Variants in TREML4 observed in about 807,000 individuals in gnomAD.
The protein encoded by TREML4 is triggering receptor expressed on myeloid cells like 4.
In TREML4, 25 loss-of-function variants were observed where a neutral mutation model predicts 25.4. The observed-to-expected ratio is 0.98, with a 90% confidence interval of 0.72 to 1.37. The LOEUF (loss-of-function observed/expected upper bound fraction) is 1.37, where lower values mean the gene tolerates loss of function less well. Among genes scored for constraint, TREML4 ranks in the 40% most tolerant of loss-of-function variants. The pLI is 0.00. For synonymous variants in TREML4, 92 were observed against 87.9 expected (o/e 1.05, Z -0.26); for missense variants, 268 against 236.5 (o/e 1.13, Z -0.87).
chr6:41,228,759 C>T lies in TREML4; in HGVS notation c.109C>T (p.Leu37Phe), dbSNP rs1490531561. 9.9e-6 allele frequency: 16 copies of T among 1,614,094 alleles called. No individual in the cohort carries two copies. Among genetic ancestry groups the T allele is most frequent in the Non-Finnish European group, 1.4e-5 (16 of 1,180,002 alleles). The change falls in exon 2 of 6, where the codon CTC becomes TTC. Residue 37 changes from leucine (L) to phenylalanine (F), a missense_variant. Physicochemically the swap from Leu to Phe is conservative, Grantham distance 22. Transcript: ENST00000341495. ...TCACAAACACCCAGGACAGACCCTCCTCCTGCAATGCCAGTACTCACCCAA... is the reference window on the plus strand; with the variant it reads ...TCACAAACACCCAGGACAGACCCTCTTCCTGCAATGCCAGTACTCACCCAA... ...ELHKHPGQTLLLQCQYSPKRG... is the reference protein window; with the variant it reads ...ELHKHPGQTLFLQCQYSPKRG...
At chr6:41,231,810 G>A (rs1195271426) in intron 4 of TREML4, among the ~76,000 whole-genome samples, 2 of 152,114 alleles carry the variant, frequency 1.3e-5, no homozygotes, top group Non-Finnish European at 1.5e-5. Flanking sequence ...TAATGTATGA[G>A]TATCAAGAAC....
chr6:41,228,531 G>A (rs1766722315), intron 1 of TREML4, 41 bp downstream of exon 1: 8 of 1,593,490 alleles, frequency 5.0e-6, no homozygotes, highest in Non-Finnish European at 6.8e-6. Context: ...TAAGGAGTGG[G>A]ATGAAGAATG....
intron 4 of TREML4, among the ~76,000 whole-genome samples, chr6:41,236,035 A>C (rs1441376900): frequency 6.6e-6 from 1 of 152,072 alleles, no homozygotes; most frequent in Non-Finnish European, 1.5e-5. Flanking sequence ...AACAGACAGG[A>C]GGTCTAGGTC....
At chr6:41,236,803 G>T (rs1484575474) in intron 5 of TREML4, among the ~76,000 whole-genome samples, 186 bp downstream of exon 5, 1 of 150,294 alleles carries the variant, frequency 6.7e-6, no homozygotes, top group Non-Finnish European at 1.5e-5. Context: ...AGAGACAGAG[G>T]CTTTCTGGGA....
chr6:41,230,630 G>A (rs908721521), intron 4 of TREML4, among the ~76,000 whole-genome samples: 2 of 152,206 alleles, frequency 1.3e-5, no homozygotes, highest in African/African-American at 4.8e-5. Flanking sequence ...CACAGCAAAA[G>A]ACATGAGCGA....
intron 2 of TREML4, 86 bp from the exon 3 acceptor site, chr6:41,229,435 G>C: frequency 1.4e-6 from 2 of 1,450,686 alleles, no homozygotes; most frequent in Middle Eastern, 1.7e-4. Flanking sequence ...TCTGGCTCTG[G>C]GCCCCTACCT....
chr6:41,230,180 C>G, intron 4 of TREML4, 58 bp downstream of exon 4: 1 of 1,407,232 alleles, frequency 7.1e-7, no homozygotes, highest in African/African-American at 1.4e-5. Flanking sequence ...GCCTGATTAG[C>G]TCCTGAACCT....
chr6:41,230,532 A>G (rs1181437827), intron 4 of TREML4, among the ~76,000 whole-genome samples: 1 of 152,158 alleles, frequency 6.6e-6, no homozygotes, highest in Non-Finnish European at 1.5e-5. Flanking sequence ...TCTTGCAGTC[A>G]TGGGTTTTGA....
In TREML4 at chr6:41,237,502, A is replaced by G. The variant is rs972758250; in HGVS notation, c.*483A>G. 1 of 152,192 alleles carries G rather than the reference A, an allele frequency of 6.6e-6. No homozygotes were observed. The highest frequency in any genetic ancestry group is 2.4e-5 in the African/African-American group (1 of 41,420). 9.4% of individuals were successfully genotyped at this position (152,192 alleles called of 1,614,324 possible). On this transcript the variant is annotated 3_prime_UTR_variant, in exon 6 of 6. Transcript: ENST00000341495. The stretch of plus-strand genomic sequence containing the variant: ...TGCCTGTGGTCTGCCCTAGAGTCCT[A>G]TGAATTTCCTCTTGTGCTTAATTAA...
chr6:41,230,207 G>A lies in TREML4; in HGVS notation c.506+85G>A, dbSNP rs1037940693. ...CCTGAACCTTGGAATCAAGTCCAGGGCACCCAGGGATCCTTCTCTGGTGGG... is the reference window on the plus strand; with the variant it reads ...CCTGAACCTTGGAATCAAGTCCAGGACACCCAGGGATCCTTCTCTGGTGGG... On this transcript the variant is annotated intron_variant, in intron 4 of 5. Coordinates refer to ENST00000341495, the MANE Select transcript of TREML4 (RefSeq NM_198153.3). The A allele has an allele frequency of 6.1e-6, 7 of 1,148,418 alleles. No individual in the cohort carries two copies. In the African/African-American group the frequency reaches 8.9e-5, roughly 15 times the overall value. The allele number at this position is 1,148,418 out of a possible 1,614,324, so 71.1% of individuals were successfully genotyped here. A position where few individuals can be genotyped will look rare whatever the true frequency, so the allele number is the denominator to read the frequency against.
Position 41,238,805 on chromosome 6 carries a change from A to T in TREML4, c.*1786A>T, listed in dbSNP as rs1766949471. The T allele has an allele frequency of 6.6e-6, 1 of 152,248 alleles. No homozygotes were observed. Among genetic ancestry groups the T allele is most frequent in the African/African-American group, 2.4e-5 (1 of 41,466 alleles). 9.4% of individuals were successfully genotyped at this position (152,248 alleles called of 1,614,324 possible). ...AGAATAAACGTAGCTGAGTGATGCT[A>T]CATGGGGCTAGATATATGATTATCT... On this transcript the variant is annotated 3_prime_UTR_variant, in exon 6 of 6. Transcript: ENST00000341495.
At chr6:41,231,081 G>A in intron 4 of TREML4, 2 of 442,156 alleles carry the variant, frequency 4.5e-6, no homozygotes, top group South Asian at 3.2e-5. Flanking sequence ...TCCCAGATGG[G>A]ACCACCCAGT....
rs1390406525 is a variant in TREML4 at position 41,229,788 on chromosome 6, TGGGA to T, written c.445+221_445+224del. The stretch of plus-strand genomic sequence containing the variant: ...GAAGATCGCCATGTTCTCACGATGA[TGGGA>T]GGGTGTCCCCAGAGGGAAGTCCATA... On this transcript the variant is annotated intron_variant, in intron 3 of 5. Transcript: ENST00000341495. The T allele has an allele frequency of 1.4e-5, 9 of 639,234 alleles. No individual in the cohort carries two copies. In the East Asian group the frequency reaches 2.5e-4, roughly 18 times the overall value. The allele number at this position is 639,234 out of a possible 1,614,324, so 39.6% of individuals were successfully genotyped here. A position where few individuals can be genotyped will look rare whatever the true frequency, so the allele number is the denominator to read the frequency against.
chr6:41,228,478 C>G lies in TREML4; in HGVS notation c.51C>G (p.Cys17Trp), dbSNP rs569320886. The change falls in exon 1 of 6, where the codon TGC (cysteine) becomes TGG (tryptophan). Residue 17 changes from cysteine to tryptophan, a missense_variant. By Grantham distance (215) the Cys-to-Trp change is radical. Transcript: ENST00000341495. ...GCTGCTTCCACCTGTGCTGCTGCTG[C>G]TCCTGGCCTCAGGTGACATGGAGGG... is the stretch of plus-strand genomic sequence containing the variant. ...HTCCFHLCCCCSWPQGAVPEE... is the reference protein window; with the variant it reads ...HTCCFHLCCCWSWPQGAVPEE... 1 of 1,612,928 alleles carries G rather than the reference C, an allele frequency of 6.2e-7. No individual in the cohort carries two copies. Among genetic ancestry groups the G allele is most frequent in the Non-Finnish European group, 8.5e-7 (1 of 1,179,538 alleles).
intron 4 of TREML4, among the ~76,000 whole-genome samples, chr6:41,234,719 A>G (rs1766866362): frequency 6.6e-6 from 1 of 151,886 alleles, no homozygotes; most frequent in South Asian, 2.1e-4. Flanking sequence ...GAAAACTGAA[A>G]CAGTTGATAA....
At position 41,237,873 on chromosome 6, in the gene TREML4, G is replaced by T. The variant is rs908103475; in HGVS notation, c.*854G>T. The T allele has an allele frequency of 6.6e-6, 1 of 152,200 alleles. No individual in the cohort carries two copies. Among genetic ancestry groups the T allele is most frequent in the Non-Finnish European group, 1.5e-5 (1 of 68,046 alleles). The allele number at this position is 152,200 out of a possible 1,614,324, so 9.4% of individuals were successfully genotyped here. ...TTCACAGCCTAAAAGAGAAAATCAAGTTGAACTAACAATAAATGATGGTGG... is the reference window on the plus strand; with the variant it reads ...TTCACAGCCTAAAAGAGAAAATCAATTTGAACTAACAATAAATGATGGTGG... On this transcript the variant is annotated 3_prime_UTR_variant, in exon 6 of 6. Transcript: ENST00000341495.
In TREML4 at chr6:41,229,401, T is replaced by A; in HGVS notation, c.395-120T>A. ...CATGCAGATCTTAGGCACAGACCAC[T>A]CCTGGCTTAAGACATCCTGAGGGTC... On this transcript the variant is annotated intron_variant, in intron 2 of 5. Coordinates refer to ENST00000341495, the MANE Select transcript of TREML4 (RefSeq NM_198153.3). 5.6e-6 allele frequency: 6 copies of A among 1,065,080 alleles called. No individual in the cohort carries two copies. The East Asian group carries it at 7.1e-5, about 13-fold the overall frequency. 66.0% of individuals were successfully genotyped at this position (1,065,080 alleles called of 1,614,324 possible).
intron 4 of TREML4, among the ~76,000 whole-genome samples, chr6:41,235,260 G>A (rs1225131308): frequency 1.3e-5 from 2 of 151,864 alleles, no homozygotes; most frequent in African/African-American, 4.8e-5. Context: ...ACTTATTGGA[G>A]GTATAAACTC....
At chr6:41,230,985 G>C (rs1766784533) in intron 4 of TREML4, 2 of 210,600 alleles carry the variant, frequency 9.5e-6, no homozygotes, top group Admixed American at 9.1e-5. Context: ...CATGAGCCCT[G>C]TTGTGAACTG....
Sources: gnomAD v4.1 joint callset for allele counts (sites outside exome capture counted in the v4.1 genomes callset) on GRCh38, gnomAD v4.1.1 for gene constraint, MANE v1.5 for transcripts, NCBI Gene and HGNC (gene_info 2026-07-23, HGNC 2026-07-21) for gene names.